LINGO2: variants seen among roughly 807,000 people sequenced by gnomAD.
The protein encoded by LINGO2 is leucine-rich repeat and immunoglobulin-like domain-containing nogo receptor-interacting protein 2.
A neutral mutation model predicts 30.6 loss-of-function variants in LINGO2; 14 were observed. That is an observed-to-expected ratio of 0.46 (90% CI 0.30 to 0.72). The LOEUF (loss-of-function observed/expected upper bound fraction) is 0.72. LINGO2 is among the 30% of genes least tolerant of loss of function. LINGO2 has a pLI of 0.07. For missense variants in LINGO2, 729 were observed against 751.7 expected (o/e 0.97, Z 0.35); for synonymous variants, 317 against 288.5 (o/e 1.10, Z -1.00).
At chr9:28,481,943 A>G (rs1307442013) in intron 1 of LINGO2, among the ~76,000 whole-genome samples, 8 of 152,074 alleles carry the variant, frequency 5.3e-5, no homozygotes, top group Admixed American at 2.6e-4. Context: ...TCCCTACAGA[A>G]GACATGAACT....
chr9:28,310,256 T>C (rs1053917371), intron 3 of LINGO2, among the ~76,000 whole-genome samples: 56 of 152,182 alleles, frequency 3.7e-4, no homozygotes, highest in Non-Finnish European at 4.1e-4. Flanking sequence ...AGAAACTTTT[T>C]TGGCAGTTTT....
chr9:28,631,048 A>G (rs562306603), intron 1 of LINGO2, among the ~76,000 whole-genome samples: 1 of 152,140 alleles, frequency 6.6e-6, no homozygotes, highest in Admixed American at 6.6e-5. Context: ...TTGCAACAGT[A>G]TGTAAATCTA....
At chr9:28,525,196 C>T (rs887953240) in intron 1 of LINGO2, among the ~76,000 whole-genome samples, 1 of 152,132 alleles carries the variant, frequency 6.6e-6, no homozygotes, top group African/African-American at 2.4e-5. Context: ...ATAATAAAGA[C>T]AGACAATAAC....
the LINGO2 span, among the ~76,000 whole-genome samples, chr9:29,142,172 A>C: frequency 6.6e-6 from 1 of 151,882 alleles, no homozygotes; most frequent in Non-Finnish European, 1.5e-5. Context: ...GCAAATCATA[A>C]AAAGTTCAGA....
chr9:28,886,130 T>A, the LINGO2 span, among the ~76,000 whole-genome samples: 1 of 152,182 alleles, frequency 6.6e-6, no homozygotes, highest in African/African-American at 2.4e-5. Context: ...ATAAATTAAC[T>A]AAATCAACGA....
chr9:29,189,539 C>T, the LINGO2 span, among the ~76,000 whole-genome samples: 1 of 151,004 alleles, frequency 6.6e-6, no homozygotes, highest in African/African-American at 2.4e-5. Context: ...GATGGGAGGC[C>T]AGGCAGAGAC....
At chr9:28,909,544 G>C in the LINGO2 span, among the ~76,000 whole-genome samples, 1 of 151,996 alleles carries the variant, frequency 6.6e-6, no homozygotes. Flanking sequence ...AAACTTTCAT[G>C]TTCCACTGAC....
chr9:28,006,337 A>C (rs113388628), intron 5 of LINGO2, among the ~76,000 whole-genome samples: 1 of 107,456 alleles, frequency 9.3e-6, no homozygotes, highest in Admixed American at 8.4e-5. Flanking sequence ...TAAGATTAAA[A>C]AAATCCTTAC....
chr9:28,896,266 T>G, the LINGO2 span, among the ~76,000 whole-genome samples: 1 of 152,304 alleles, frequency 6.6e-6, no homozygotes, highest in African/African-American at 2.4e-5. Flanking sequence ...CAATTCAGAA[T>G]ATTTTCTTAT....
intron 1 of LINGO2, among the ~76,000 whole-genome samples, chr9:28,500,702 CATGGAAGAG>C (rs929631851): frequency 3.3e-5 from 5 of 151,802 alleles, no homozygotes; most frequent in African/African-American, 9.7e-5. Flanking sequence ...TAATAGAGAT[CATGGAAGAG>C]ATGATTTTTT....
intron 4 of LINGO2, among the ~76,000 whole-genome samples, chr9:28,211,877 G>C (rs937716087): frequency 8.0e-5 from 12 of 149,320 alleles, no homozygotes; most frequent in Admixed American, 6.7e-4. Context: ...TTTCTTCCTT[G>C]CTCTATTTTA....
intron 4 of LINGO2, among the ~76,000 whole-genome samples, chr9:28,058,555 A>G (rs1213497665): frequency 6.6e-6 from 1 of 152,178 alleles, no homozygotes; most frequent in African/African-American, 2.4e-5. Flanking sequence ...AAATGACTTT[A>G]ATAAATTCCT....
At chr9:28,007,203 A>T (rs945995629) in intron 5 of LINGO2, among the ~76,000 whole-genome samples, 1 of 152,180 alleles carries the variant, frequency 6.6e-6, no homozygotes, top group East Asian at 1.9e-4. Context: ...GAAACAAAGT[A>T]AGTTCTATAG....
the LINGO2 span, among the ~76,000 whole-genome samples, chr9:28,979,860 A>C: frequency 6.6e-6 from 1 of 152,178 alleles, no homozygotes. Flanking sequence ...ATTTCAGCTC[A>C]GGGAAAACAA....
chr9:28,929,700 A>T, the LINGO2 span, among the ~76,000 whole-genome samples: 3 of 152,224 alleles, frequency 2.0e-5, no homozygotes, highest in East Asian at 5.8e-4. Flanking sequence ...ATTATGTCAC[A>T]ACACTGCAAA....
At chr9:28,928,191 AC>A in the LINGO2 span, among the ~76,000 whole-genome samples, 44 of 152,186 alleles carry the variant, frequency 2.9e-4, no homozygotes, top group Non-Finnish European at 5.3e-4. Context: ...GCCTTAGAAA[AC>A]TTTACTGAAG....
chr9:29,125,633 A>T, the LINGO2 span, among the ~76,000 whole-genome samples: 2 of 152,162 alleles, frequency 1.3e-5, no homozygotes, highest in African/African-American at 2.4e-5. Context: ...AGAACAACCA[A>T]TAAATATAAC....
intron 4 of LINGO2, among the ~76,000 whole-genome samples, chr9:28,068,222 A>G (rs935664284): frequency 6.6e-6 from 1 of 152,178 alleles, no homozygotes; most frequent in Non-Finnish European, 1.5e-5. Flanking sequence ...CTTAAACAAC[A>G]GAAATTTATT....
chr9:28,737,592 C>T, the LINGO2 span, among the ~76,000 whole-genome samples: 68 of 152,264 alleles, frequency 4.5e-4, no homozygotes, highest in African/African-American at 1.5e-3. Context: ...TCTACTGAGG[C>T]AGCTTGGCTT....
Sources: gnomAD v4.1 joint callset for allele counts (sites outside exome capture counted in the v4.1 genomes callset) on GRCh38, gnomAD v4.1.1 for gene constraint, MANE v1.5 for transcripts, NCBI Gene and HGNC (gene_info 2026-07-23, HGNC 2026-07-21) for gene names.